TNNI3K: variants seen among roughly 807,000 people sequenced by gnomAD.
The protein encoded by TNNI3K is serine/threonine-protein kinase TNNI3K.
In TNNI3K, 140 loss-of-function variants were observed where a neutral mutation model predicts 114.5. The ratio of observed to expected loss-of-function variants is 1.22; its 90% CI spans 1.07 to 1.41. The LOEUF is 1.41. Among genes scored for constraint, TNNI3K ranks in the 40% most tolerant of loss-of-function variants. TNNI3K has a pLI of 0.00. For synonymous variants in TNNI3K, 347 were observed against 347.5 expected (o/e 1.00, Z 0.02); for missense variants, 1,125 against 1,007.6 (o/e 1.12, Z -1.58).
At chr1:74,262,263 A>G (rs1185951767) in intron 4 of TNNI3K, among the ~76,000 whole-genome samples, 1 of 152,102 alleles carries the variant, frequency 6.6e-6, no homozygotes, top group Non-Finnish European at 1.5e-5. Context: ...AAAAATGTTT[A>G]GCAGCATCCC....
In TNNI3K at chr1:74,280,843, G is replaced by A. The variant is rs1292506755; in HGVS notation, c.444+9135G>A. ...CACGTGACCCAGTGAGACACCAGCG[G>A]TGGTGACCAAGGGAGTACTTGCATC... On this transcript the variant is annotated intron_variant, in intron 5 of 24. Transcript: ENST00000326637. Among the ~76,000 whole-genome samples the A allele has an allele frequency of 2.6e-5, 4 of 152,216 alleles. No individual in the cohort carries two copies. The South Asian group carries it at 6.2e-4, about 24-fold the overall frequency.
chr1:74,538,662 C>T (rs943818993), intron 23 of TNNI3K, among the ~76,000 whole-genome samples: 1 of 152,140 alleles, frequency 6.6e-6, no homozygotes, highest in Non-Finnish European at 1.5e-5. Context: ...ATTCTTGGCT[C>T]CTCTGCCATT....
chr1:74,386,325 C>T (rs1201802031), intron 17 of TNNI3K, among the ~76,000 whole-genome samples: 1 of 150,830 alleles, frequency 6.6e-6, no homozygotes, highest in African/African-American at 2.4e-5. Flanking sequence ...GATATAACAT[C>T]TGAAAAGAAA....
At chr1:74,475,828 A>G (rs552679625) in intron 21 of TNNI3K, 79 of 567,218 alleles carry the variant, frequency 1.4e-4, no homozygotes, top group Non-Finnish European at 2.4e-4. Context: ...AAATAGAGAG[A>G]CCATTAAAAG....
chr1:74,369,887 A>T, intron 16 of TNNI3K: 1 of 292,674 alleles, frequency 3.4e-6, no homozygotes, highest in Non-Finnish European at 6.2e-6. Flanking sequence ...AGATATATGT[A>T]AGCTCAGAAT....
chr1:74,398,579 A>G (rs1170644010), intron 17 of TNNI3K, among the ~76,000 whole-genome samples: 11 of 152,218 alleles, frequency 7.2e-5, no homozygotes, highest in Non-Finnish European at 1.6e-4. Context: ...TAAAGTATCT[A>G]CTGGTAATGG....
intron 17 of TNNI3K, among the ~76,000 whole-genome samples, chr1:74,422,630 G>T (rs757165800): frequency 6.6e-6 from 1 of 152,098 alleles, no homozygotes; most frequent in Non-Finnish European, 1.5e-5. Context: ...CTCATCATCT[G>T]CTGGAGACCA....
chr1:74,501,887 T>C (rs146378903), intron 23 of TNNI3K, among the ~76,000 whole-genome samples: 15 of 152,148 alleles, frequency 9.9e-5, no homozygotes, highest in Admixed American at 3.9e-4. Flanking sequence ...TATATATATA[T>C]ATACATTTTC....
At chr1:74,473,235 CT>C (rs933980345) in intron 21 of TNNI3K, among the ~76,000 whole-genome samples, 2 of 152,224 alleles carry the variant, frequency 1.3e-5, no homozygotes, top group Admixed American at 1.3e-4. Context: ...TGTCTTATAA[CT>C]TTTACAGATG....
rs571226703 is a variant in TNNI3K, at chr1:74,540,164, A to C, written c.2352-70A>C. 1.1e-4 allele frequency: 171 copies of C among 1,542,500 alleles called. No homozygotes were observed. In the South Asian group the frequency reaches 1.8e-3, roughly 16 times the overall value. ...CTCTGGGATCTATGTTGAGTGGAAAAATTCTGTGTTTATAAAAATGTTATT... is the reference window on the plus strand; with the variant it reads ...CTCTGGGATCTATGTTGAGTGGAAACATTCTGTGTTTATAAAAATGTTATT... On this transcript the variant is annotated intron_variant, in intron 23 of 24. Transcript: ENST00000326637.
At chr1:74,385,151 A>G (rs906290424) in intron 17 of TNNI3K, among the ~76,000 whole-genome samples, 4 of 152,154 alleles carry the variant, frequency 2.6e-5, no homozygotes, top group Non-Finnish European at 5.9e-5. Context: ...AGTACATACC[A>G]TATTATCCCA....
intron 17 of TNNI3K, among the ~76,000 whole-genome samples, chr1:74,434,025 C>T (rs1364445144): frequency 6.6e-6 from 1 of 151,974 alleles, no homozygotes; most frequent in Non-Finnish European, 1.5e-5. Context: ...TTGATGGATC[C>T]ACTCTACTGC....
At chr1:74,504,182 C>A (rs1669774028) in intron 23 of TNNI3K, among the ~76,000 whole-genome samples, 2 of 152,204 alleles carry the variant, frequency 1.3e-5, no homozygotes, top group Non-Finnish European at 2.9e-5. Context: ...TTGCATGCTT[C>A]TGGTATCTTA....
Position 74,370,538 on chromosome 1 carries a change from A to G in TNNI3K, c.1772+146A>G, listed in dbSNP as rs930178535. ...AGGCTACCATAAGCTTAGGCGATAG[A>G]AAGTTTTGTCATTGTCTTTTAAGGA... is the stretch of plus-strand genomic sequence containing the variant. On this transcript the variant is annotated intron_variant, in intron 17 of 24. Transcript: ENST00000326637. 5 of 549,050 alleles carry G rather than the reference A, an allele frequency of 9.1e-6. No homozygotes were observed. The Middle Eastern group carries it at 1.1e-3, about 124-fold the overall frequency. 34.0% of individuals were successfully genotyped at this position (549,050 alleles called of 1,614,324 possible).
intron 5 of TNNI3K, among the ~76,000 whole-genome samples, chr1:74,299,949 A>G (rs943240059): frequency 6.6e-6 from 1 of 152,216 alleles, no homozygotes; most frequent in Non-Finnish European, 1.5e-5. Context: ...ACTAAATGGC[A>G]TATTCATTAA....
intron 23 of TNNI3K, among the ~76,000 whole-genome samples, chr1:74,507,031 A>G (rs914262448): frequency 6.6e-6 from 1 of 152,176 alleles, no homozygotes; most frequent in Admixed American, 6.5e-5. Flanking sequence ...AAACTAAAGA[A>G]AATATATTGA....
chr1:74,306,045 A>G (rs1381654182), intron 5 of TNNI3K, among the ~76,000 whole-genome samples: 1 of 152,096 alleles, frequency 6.6e-6, no homozygotes, highest in African/African-American at 2.4e-5. Flanking sequence ...CTCAGTGTCT[A>G]TTTCCATCTT....
chr1:74,405,751 G>A (rs908545863), intron 17 of TNNI3K, among the ~76,000 whole-genome samples: 1 of 152,232 alleles, frequency 6.6e-6, no homozygotes, highest in African/African-American at 2.4e-5. Context: ...CAACTACTGG[G>A]CTCCCTGTAA....
At chr1:74,409,492 C>CTTTTTTTTTTTTTTT (rs540218540) in intron 17 of TNNI3K, among the ~76,000 whole-genome samples, 1 of 124,914 alleles carries the variant, frequency 8.0e-6, no homozygotes, top group Non-Finnish European at 1.7e-5. Context: ...CTATTTGTTT[C>CTTTTTTTTTTTTTTT]TTTTTTTTTT....
Sources: gnomAD v4.1 joint callset for allele counts (sites outside exome capture counted in the v4.1 genomes callset) on GRCh38, gnomAD v4.1.1 for gene constraint, MANE v1.5 for transcripts, NCBI Gene and HGNC (gene_info 2026-07-23, HGNC 2026-07-21) for gene names.